Variants in EPB41L3 observed in about 807,000 individuals in gnomAD.
The protein encoded by EPB41L3 is band 4.1-like protein 3.
In EPB41L3, 57 loss-of-function variants were observed where a neutral mutation model predicts 127.1. The observed-to-expected ratio is 0.45, with a 90% CI of 0.36 to 0.56. EPB41L3 has a LOEUF of 0.56. Among genes scored for constraint, EPB41L3 ranks in the 20% least tolerant of loss-of-function variants. EPB41L3 has a pLI of 0.00. For missense variants in EPB41L3, 1,273 were observed against 1,372.2 expected, an observed-to-expected ratio of 0.93 and a Z score of 1.14; for synonymous variants, 572 against 549.5, an observed-to-expected ratio of 1.04 and a Z score of -0.57.
chr18:5,410,631 A>G lies in EPB41L3; in HGVS notation c.2068-12T>C, dbSNP rs544102344. ...CGCTCACTGTCAGTCTGTTGACCACAGAAGTGATCAGGTTCCAGGAGGAAG... is the reference window on the plus strand; with the variant it reads ...CGCTCACTGTCAGTCTGTTGACCACGGAAGTGATCAGGTTCCAGGAGGAAG... On this transcript the variant is annotated splice_polypyrimidine_tract_variant and intron_variant, in intron 13 of 22. Transcript: ENST00000341928. 2.5e-6 allele frequency: 4 copies of G among 1,611,218 alleles called. No individual in the cohort carries two copies. The African/African-American group carries it at 4.0e-5, about 16-fold the overall frequency.
rs200439933 is a variant in EPB41L3, at chr18:5,516,006, CG to C, written c.-11-26813del. ...AAAGCTGCTAATATAATGAACCAAA[CG>C]CAAGTAAGTGCCCATAGAAAGTTAG... On this transcript the variant is annotated intron_variant, in intron 1 of 22. Coordinates refer to ENST00000341928, the MANE Select transcript of EPB41L3 (RefSeq NM_012307.5). Among the ~76,000 whole-genome samples, 1,022 of 152,270 alleles carry C rather than the reference CG, an allele frequency of 6.7e-3. 15 individuals carry two copies. The highest frequency in any genetic ancestry group is 0.024 in the African/African-American group (982 of 41,540).
rs114455876 is a variant in EPB41L3 at position 5,615,712 on chromosome 18, T to C, written c.-467-1289A>G. The stretch of plus-strand genomic sequence containing the variant: ...GTTCTTTTTCTCTGTCTCTTCTTTT[T>C]CTTCTGTCACAATAAGTCACCCAAA... On this transcript the variant is annotated intron_variant, in intron 1 of 21. Coordinates refer to the EPB41L3 transcript ENST00000545076. 4.8e-3 allele frequency among the ~76,000 whole-genome samples: 732 copies of C among 152,324 alleles called. 6 individuals are homozygous for C. The highest frequency in any genetic ancestry group is 0.016 in the African/African-American group (676 of 41,568).
intron 1 of EPB41L3, chr18:5,529,090 T>A (rs539246434): frequency 1.3e-5 from 2 of 152,212 alleles, no homozygotes; most frequent in Non-Finnish European, 2.9e-5. Context: ...ATCACTGCCC[T>A]GGCACTGCTC....
chr18:5,445,352 A>AGGG, intron 3 of EPB41L3, 108 bp from the exon 4 acceptor site: 1 of 860,930 alleles, frequency 1.2e-6, no homozygotes, highest in South Asian at 1.6e-5. Flanking sequence ...GTGTAACTTT[A>AGGG]GGGAGTGACC....
chr18:5,561,027 G>T (rs914412810), intron 3 of EPB41L3, among the ~76,000 whole-genome samples: 1 of 137,354 alleles, frequency 7.3e-6, no homozygotes, highest in Non-Finnish European at 1.6e-5. Flanking sequence ...GCCCAGGCTG[G>T]AGTGCAGTGG....
At chr18:5,607,696 A>G (rs1334292464) in intron 3 of EPB41L3, among the ~76,000 whole-genome samples, 1 of 152,212 alleles carries the variant, frequency 6.6e-6, no homozygotes, top group Non-Finnish European at 1.5e-5. Context: ...TGTTTATACC[A>G]TCAGGTGCAA....
At chr18:5,560,138 T>C (rs757384973) in intron 3 of EPB41L3, among the ~76,000 whole-genome samples, 1 of 152,380 alleles carries the variant, frequency 6.6e-6, no homozygotes, top group South Asian at 2.1e-4. Context: ...ATTAGGTTTT[T>C]CTGCAACTAT....
At chr18:5,414,960 T>C (rs1248503315) in intron 13 of EPB41L3, among the ~76,000 whole-genome samples, 1 of 152,220 alleles carries the variant, frequency 6.6e-6, no homozygotes, top group Non-Finnish European at 1.5e-5. Context: ...ACTATGTCCA[T>C]GTCTGGCTGG....
intron 2 of EPB41L3, among the ~76,000 whole-genome samples, chr18:5,487,532 C>T (rs2089974801): frequency 6.7e-6 from 1 of 149,942 alleles, no homozygotes; most frequent in Non-Finnish European, 1.5e-5. Flanking sequence ...TGCTCTGTCG[C>T]CCAGTCTGGA....
chr18:5,599,858 T>C (rs895858342), intron 3 of EPB41L3, among the ~76,000 whole-genome samples: 10 of 152,178 alleles, frequency 6.6e-5, no homozygotes, highest in African/African-American at 1.9e-4. Context: ...CATGGATTCA[T>C]ACAGTCCTTT....
intron 3 of EPB41L3, among the ~76,000 whole-genome samples, chr18:5,596,614 A>G (rs768506210): frequency 1.3e-5 from 2 of 152,172 alleles, no homozygotes; most frequent in Non-Finnish European, 2.9e-5. Flanking sequence ...TGCTGAGGTT[A>G]TAAAGAGAAA....
chr18:5,591,539 G>A (rs1325940171), intron 3 of EPB41L3, among the ~76,000 whole-genome samples: 3 of 152,196 alleles, frequency 2.0e-5, no homozygotes, highest in Non-Finnish European at 4.4e-5. Context: ...TAGTATCACT[G>A]CAGGTGTTAG....
intron 6 of EPB41L3, among the ~76,000 whole-genome samples, chr18:5,435,970 CATAA>C (rs894837426): frequency 2.6e-4 from 39 of 152,256 alleles, no homozygotes; most frequent in Admixed American, 1.6e-3. Context: ...ATCTTGTCCC[CATAA>C]ATAAACAGTT....
chr18:5,555,999 C>T (rs1034117584), intron 3 of EPB41L3, among the ~76,000 whole-genome samples: 2 of 152,170 alleles, frequency 1.3e-5, no homozygotes, highest in African/African-American at 4.8e-5. Flanking sequence ...GTGTGTGTGG[C>T]GATTCCATGA....
chr18:5,440,095 A>G (rs990063967), intron 5 of EPB41L3, among the ~76,000 whole-genome samples: 3 of 152,214 alleles, frequency 2.0e-5, no homozygotes, highest in African/African-American at 7.2e-5. Flanking sequence ...GTACTTGTTA[A>G]AAATGCCAAT....
intron 3 of EPB41L3, among the ~76,000 whole-genome samples, chr18:5,447,305 A>T (rs1176184969): frequency 2.6e-5 from 4 of 152,174 alleles, no homozygotes; most frequent in Admixed American, 6.5e-5. Flanking sequence ...AGAATAACTA[A>T]TGTAGAGCAG....
At chr18:5,589,302 C>A (rs992655348) in intron 3 of EPB41L3, among the ~76,000 whole-genome samples, 1 of 150,780 alleles carries the variant, frequency 6.6e-6, no homozygotes, top group Non-Finnish European at 1.5e-5. Flanking sequence ...CTCCCCACCA[C>A]CCCCACCCCT....
At chr18:5,413,721 C>T (rs567113857) in intron 13 of EPB41L3, among the ~76,000 whole-genome samples, 2 of 152,152 alleles carry the variant, frequency 1.3e-5, no homozygotes, top group Non-Finnish European at 2.9e-5. Context: ...GAACAGATGG[C>T]TAGTTACAGA....
chr18:5,578,269 T>C (rs1003134757), intron 3 of EPB41L3, among the ~76,000 whole-genome samples: 1 of 152,130 alleles, frequency 6.6e-6, no homozygotes. Context: ...TTTTTACAGA[T>C]AAAAAAAGAT....
Sources: allele counts gnomAD v4.1 joint callset (sites outside exome capture counted in the v4.1 genomes callset), GRCh38; gene constraint gnomAD v4.1.1; transcripts MANE v1.5; gene names NCBI Gene and HGNC (gene_info 2026-07-23, HGNC 2026-07-21).